FRMD5: variants seen among roughly 807,000 people sequenced by gnomAD.
The protein encoded by FRMD5 is FERM domain-containing protein 5.
FRMD5 carries 20 observed loss-of-function variants against 69.0 expected under a neutral mutation model. The ratio of observed to expected loss-of-function variants is 0.29; its 90% CI spans 0.20 to 0.42. The LOEUF (loss-of-function observed/expected upper bound fraction) is 0.42, where lower values mean the gene tolerates loss of function less well. FRMD5 is among the 10% of genes least tolerant of loss of function. The probability of loss-of-function intolerance (pLI) is 1.00; values close to 1 mark genes in which losing one functional copy is unlikely to be tolerated. For missense variants in FRMD5, 595 were observed against 708.6 expected, an observed-to-expected ratio of 0.84 and a Z score of 1.82; for synonymous variants, 271 against 260.1, an observed-to-expected ratio of 1.04 and a Z score of -0.40.
intron 13 of FRMD5, among the ~76,000 whole-genome samples, chr15:43,880,946 C>G (rs942337042): frequency 6.6e-6 from 1 of 152,214 alleles, no homozygotes; most frequent in South Asian, 2.1e-4. Flanking sequence ...GGACCTGACT[C>G]AGCCTCAGCA....
At chr15:43,906,893 A>G (rs570347150) in intron 5 of FRMD5, among the ~76,000 whole-genome samples, 61 of 152,054 alleles carry the variant, frequency 4.0e-4, no homozygotes, top group South Asian at 3.3e-3. Context: ...GAGCCACCGC[A>G]CCCGGCCGAG....
intron 2 of FRMD5, among the ~76,000 whole-genome samples, chr15:43,920,345 C>T (rs2089472605): frequency 6.6e-6 from 1 of 152,074 alleles, no homozygotes; most frequent in Non-Finnish European, 1.5e-5. Flanking sequence ...CTTTGAGTAA[C>T]ATAAATTGCC....
At chr15:43,951,013 A>C (rs750951817) in intron 1 of FRMD5, among the ~76,000 whole-genome samples, 2 of 152,162 alleles carry the variant, frequency 1.3e-5, no homozygotes, top group African/African-American at 2.4e-5. Flanking sequence ...GGCCAGTCAG[A>C]AGATCTACAG....
At chr15:43,921,335 G>T (rs765041733) in intron 2 of FRMD5, among the ~76,000 whole-genome samples, 21 of 152,204 alleles carry the variant, frequency 1.4e-4, no homozygotes, top group Non-Finnish European at 2.2e-4. Flanking sequence ...ATAAACAAAG[G>T]AAGGTAGAAA....
At position 44,191,243 on chromosome 15, in the gene FRMD5, G is replaced by T. The variant is rs1005628324; in HGVS notation, c.102+3710C>A. Among the ~76,000 whole-genome samples, 5 of 152,068 alleles carry T rather than the reference G, an allele frequency of 3.3e-5. No individual in the cohort carries two copies. In the East Asian group the frequency reaches 5.8e-4, roughly 18 times the overall value. ...AACACATATTTCTATTAGAAATGTT[G>T]CAATATATATTCTCATAATTTATAA... On this transcript the variant is annotated intron_variant, in intron 1 of 13. Coordinates refer to ENST00000417257, the MANE Select transcript of FRMD5 (RefSeq NM_032892.5).
Position 44,006,467 on chromosome 15 carries a change from A to C in FRMD5, c.103-82158T>G, listed in dbSNP as rs533734662. Among the ~76,000 whole-genome samples, 33 of 152,318 alleles carry C rather than the reference A, an allele frequency of 2.2e-4. No individual in the cohort carries two copies. In the South Asian group the frequency reaches 6.8e-3, roughly 32 times the overall value. On this transcript the variant is annotated intron_variant, in intron 1 of 13. Transcript: ENST00000417257. The stretch of plus-strand genomic sequence containing the variant: ...GGATCAAGGAGTAATTTGCACTTTC[A>C]AGTGTTATTTTAAGAAATACATTTC...
At chr15:44,085,634 G>A (rs1363306927) in intron 1 of FRMD5, among the ~76,000 whole-genome samples, 2 of 152,062 alleles carry the variant, frequency 1.3e-5, no homozygotes, top group East Asian at 3.8e-4. Context: ...TATCTTATAG[G>A]CATAGAGAGT....
chr15:43,874,327 T>C lies in FRMD5; in HGVS notation c.1271A>G (p.Tyr424Cys), dbSNP rs777734756. 4 of 1,614,226 alleles carry C rather than the reference T, an allele frequency of 2.5e-6. No homozygotes were observed. The highest frequency in any genetic ancestry group is 2.5e-6 in the Non-Finnish European group (3 of 1,180,042). Residue 424 changes from tyrosine (Y) to cysteine (C), a missense_variant, in exon 14 of 14, where the codon TAC becomes TGC. Tyr to Cys is a radical substitution (Grantham distance 194, BLOSUM62 -2). Coordinates refer to ENST00000417257, the MANE Select transcript of FRMD5 (RefSeq NM_032892.5). ...ERVAVIADEAYSPADSVLPTP... is the reference protein window; with the variant it reads ...ERVAVIADEACSPADSVLPTP... ...GGGCAGCACGCTGTCTGCAGGGCTG[T>C]AGGCCTCGTCTGCAATCACAGCTAC...
At chr15:43,957,611 A>G (rs1293003091) in intron 1 of FRMD5, among the ~76,000 whole-genome samples, 3 of 152,232 alleles carry the variant, frequency 2.0e-5, no homozygotes, top group South Asian at 2.1e-4. Flanking sequence ...AGCCTCTCAG[A>G]AGGTATTCAG....
rs183595183 is a variant in FRMD5, at chr15:43,875,197, G to A, written c.1136-735C>T. Among the ~76,000 whole-genome samples, 91 of 151,570 alleles carry A rather than the reference G, an allele frequency of 6.0e-4. No homozygotes were observed. In the South Asian group the frequency reaches 8.1e-3, roughly 14 times the overall value. On this transcript the variant is annotated intron_variant, in intron 13 of 13. Transcript: ENST00000417257. ...GGGTGACAGAGCAAGACTCTGCCTC[G>A]GGGCGAGGAGGAAGCCAGGTGTGGT...
intron 1 of FRMD5, chr15:43,989,522 A>G (rs1889565853): frequency 1.1e-6 from 1 of 897,342 alleles, no homozygotes; most frequent in Non-Finnish European, 1.9e-6. Flanking sequence ...CTCGAAGTCC[A>G]GGGTGACATA....
At chr15:44,124,524 C>G (rs1314898632) in intron 1 of FRMD5, among the ~76,000 whole-genome samples, 2 of 151,494 alleles carry the variant, frequency 1.3e-5, no homozygotes, top group Non-Finnish European at 2.9e-5. Flanking sequence ...ACGGCGAAAC[C>G]CTGTCTCTAC....
intron 13 of FRMD5, chr15:43,875,918 A>G (rs1178921493): frequency 2.1e-6 from 2 of 965,144 alleles, no homozygotes; most frequent in Non-Finnish European, 3.4e-6. Context: ...CTGTAAACAC[A>G]GGCTTATCCA....
At chr15:43,875,995 A>G (rs184424372) in intron 13 of FRMD5, 3 of 1,379,394 alleles carry the variant, frequency 2.2e-6, no homozygotes, top group Non-Finnish European at 3.1e-6. Context: ...CTGGTCATCC[A>G]ACCCAAGACG....
At chr15:43,919,010 T>C in intron 4 of FRMD5, 1 of 291,210 alleles carries the variant, frequency 3.4e-6, no homozygotes, top group Non-Finnish European at 6.8e-6. Context: ...TTTATCCATT[T>C]TGATTTTAAA....
Position 44,195,098 on chromosome 15 carries a change from C to A in FRMD5, c.-44G>T. On this transcript the variant is annotated 5_prime_UTR_variant, in exon 1 of 14. Transcript: ENST00000417257. ...GGGAGCGACGCGGCGGCGCTGCGGACCCTGGACCAGGCGTCCCTCAGCCCG... is the reference window on the plus strand; with the variant it reads ...GGGAGCGACGCGGCGGCGCTGCGGAACCTGGACCAGGCGTCCCTCAGCCCG... The A allele has an allele frequency of 1.4e-6, 2 of 1,452,876 alleles. No homozygotes were observed. The highest frequency in any genetic ancestry group is 1.8e-6 in the Non-Finnish European group (2 of 1,095,798). 90.0% of individuals were successfully genotyped at this position (1,452,876 alleles called of 1,614,324 possible).
intron 1 of FRMD5, among the ~76,000 whole-genome samples, chr15:44,122,989 A>G (rs976369535): frequency 1.8e-4 from 28 of 152,214 alleles, no homozygotes; most frequent in African/African-American, 6.8e-4. Flanking sequence ...TGAGCCTGAT[A>G]AATACAGAAA....
At chr15:44,052,309 T>C (rs1250753716) in intron 1 of FRMD5, among the ~76,000 whole-genome samples, 1 of 152,216 alleles carries the variant, frequency 6.6e-6, no homozygotes, top group Middle Eastern at 3.2e-3. Flanking sequence ...TTGGATCCTG[T>C]GTCCCTTTAA....
intron 1 of FRMD5, among the ~76,000 whole-genome samples, chr15:43,994,085 T>G (rs1293461528): frequency 6.6e-6 from 1 of 152,204 alleles, no homozygotes; most frequent in African/African-American, 2.4e-5. Context: ...TTCAAAGTAA[T>G]TATTGATAGG....
Sources: gnomAD v4.1 joint callset for allele counts (sites outside exome capture counted in the v4.1 genomes callset) on GRCh38, gnomAD v4.1.1 for gene constraint, MANE v1.5 for transcripts, NCBI Gene and HGNC (gene_info 2026-07-23, HGNC 2026-07-21) for gene names.